Variants in CGAS observed in about 807,000 individuals in gnomAD.
CGAS encodes the protein 2'3'-cGAMP synthase.
CGAS carries 31 observed loss-of-function variants against 34.0 expected under a neutral mutation model. The ratio of observed to expected loss-of-function variants is 0.91; its 90% CI spans 0.69 to 1.23. The LOEUF is 1.23. CGAS is among the 50% of genes most tolerant of loss of function. CGAS has a pLI of 0.00. For synonymous variants in CGAS, 266 were observed against 260.0 expected (o/e 1.02, Z -0.22); for missense variants, 597 against 657.6 (o/e 0.91, Z 1.01).
At chr6:73,445,926 G>A (rs1446415968) in intron 1 of CGAS, among the ~76,000 whole-genome samples, 179 bp from the exon 2 acceptor site, 1 of 152,140 alleles carries the variant, frequency 6.6e-6, no homozygotes. Context: ...AGTATTACCA[G>A]TTTCATTTTG....
rs866696488 is a variant in CGAS, at chr6:73,451,943, C to A, written c.239G>T (p.Arg80Leu). The change falls in exon 1 of 5, where the codon CGC becomes CTC. Residue 80 changes from arginine (R) to leucine (L), a missense_variant. Physicochemically the swap from Arg to Leu is moderately radical, Grantham distance 102. Around this residue, in one of 3 missense-constraint regions of CGAS, gnomAD observed 321 missense variants for 314.3 expected, o/e 1.02. Coordinates refer to ENST00000370315, the MANE Select transcript of CGAS (RefSeq NM_138441.3). ...GGCGCGCTGAGGGGCCTTTTTGGCG[C>A]GGGCCCCAGTTGCGCGGACGGGCGG... The part of the protein sequence containing the change: ...ERPPVRATGA[R>L]AKKAPQRAQD... 13 of 1,496,988 alleles carry A rather than the reference C, an allele frequency of 8.7e-6. No individual in the cohort carries two copies. Among genetic ancestry groups the A allele is most frequent in the Non-Finnish European group, 9.8e-6 (11 of 1,120,642 alleles). 92.7% of individuals were successfully genotyped at this position (1,496,988 alleles called of 1,614,324 possible). A position where few individuals can be genotyped will look rare whatever the true frequency, so the allele number is the denominator to read the frequency against.
rs770677150 is a variant in CGAS at position 73,451,745 on chromosome 6, A to C, written c.437T>G (p.Leu146Arg). The C allele has an allele frequency of 1.9e-6, 3 of 1,611,276 alleles. No homozygotes were observed. In the South Asian group the frequency reaches 3.3e-5, roughly 18 times the overall value. Residue 146 changes from leucine to arginine, a missense_variant, in exon 1 of 5, where the codon CTG (leucine) becomes CGG (arginine). Leu to Arg is a moderately radical substitution (Grantham distance 102, BLOSUM62 -2). This residue lies in a region of CGAS where 321 missense variants were observed against 314.3 expected (regional missense o/e 1.02). Coordinates refer to ENST00000370315, the MANE Select transcript of CGAS (RefSeq NM_138441.3). Reference sequence around the variant, plus strand: ...TACGAGAATGGGGGCCGAGACCGGCAGGCCGGGGCTGGGCACGTCCCAGGG... The same window carrying C: ...TACGAGAATGGGGGCCGAGACCGGCCGGCCGGGGCTGGGCACGTCCCAGGG... ...PGPWDVPSPG[L>R]PVSAPILVRR... is the part of the protein sequence containing the mutation.
rs754409437 is a variant in CGAS, at chr6:73,445,537, C to T, written c.868G>A (p.Asp290Asn). ...FRKIIKEEIN[D>N]IKDTDVIMKR... Reference sequence around the variant, plus strand: ...AAGGCAAAAGTCTTACCTTTAATGTCGTTAATTTCTTCCTTAATGATTTTC... The same window carrying T: ...AAGGCAAAAGTCTTACCTTTAATGTTGTTAATTTCTTCCTTAATGATTTTC... Residue 290 changes from aspartate to asparagine, a missense_variant, in exon 2 of 5, where the codon GAC (aspartate) becomes AAC (asparagine). Physicochemically the swap from Asp to Asn is conservative, Grantham distance 23. Transcript: ENST00000370315. 3.1e-6 allele frequency: 5 copies of T among 1,599,522 alleles called. No homozygotes were observed. The highest frequency in any genetic ancestry group is 2.3e-5 in the South Asian group (2 of 88,110).
chr6:73,443,255 T>TG (rs1554238713), intron 2 of CGAS, among the ~76,000 whole-genome samples: 1 of 149,226 alleles, frequency 6.7e-6, no homozygotes, highest in Non-Finnish European at 1.5e-5. Flanking sequence ...TTTTTTTTTT[T>TG]CTGAGACAGG....
Position 73,425,106 on chromosome 6 carries a change from G to A in CGAS, c.*121C>T, listed in dbSNP as rs1161386422. On this transcript the variant is annotated 3_prime_UTR_variant, in exon 5 of 5. Coordinates refer to ENST00000370315, the MANE Select transcript of CGAS (RefSeq NM_138441.3). ...TGACCTCAAGTGATCCGCCTGCCTCGGCCTCCAAAGAGCTGGGATTACAGG... is the reference window on the plus strand; with the variant it reads ...TGACCTCAAGTGATCCGCCTGCCTCAGCCTCCAAAGAGCTGGGATTACAGG... The A allele has an allele frequency of 2.7e-5, 18 of 666,982 alleles. No individual in the cohort carries two copies. The highest frequency in any genetic ancestry group is 1.2e-4 in the East Asian group (4 of 33,560). The allele number at this position is 666,982 out of a possible 1,614,324, so 41.3% of individuals were successfully genotyped here. A position where few individuals can be genotyped will look rare whatever the true frequency, so the allele number is the denominator to read the frequency against.
At chr6:73,427,278 C>CTTTATTTATTTA (rs10628387) in intron 4 of CGAS, among the ~76,000 whole-genome samples, 1,549 of 143,582 alleles carry the variant, frequency 0.011, 11 homozygotes, top group Admixed American at 0.018. Flanking sequence ...GGCCAACTTA[C>CTTTATTTATTTA]TTTATTTATT....
chr6:73,446,645 G>A lies in CGAS; in HGVS notation c.658-898C>T, dbSNP rs369773859. On this transcript the variant is annotated intron_variant, in intron 1 of 4. Coordinates refer to ENST00000370315, the MANE Select transcript of CGAS (RefSeq NM_138441.3). ...CGGGAGGCTGAGGCAGGAGAATGGC[G>A]TGAACCCGGGAAGCGGAGCTTGCAG... Among the ~76,000 whole-genome samples the A allele has an allele frequency of 9.2e-3, 248 of 26,862 alleles. No individual in the cohort carries two copies. The East Asian group carries it at 0.095, about 10-fold the overall frequency. The allele number at this position is 26,862 out of a possible 152,430, so 17.6% of individuals were successfully genotyped here. A position where few individuals can be genotyped will look rare whatever the true frequency, so the allele number is the denominator to read the frequency against.
intron 3 of CGAS, among the ~76,000 whole-genome samples, chr6:73,435,872 A>G (rs1238650626): frequency 6.6e-6 from 1 of 151,864 alleles, no homozygotes; most frequent in Non-Finnish European, 1.5e-5. Context: ...ATTATCTAAT[A>G]TTTATGTTCA....
Position 73,423,956 on chromosome 6 carries a change from A to G in CGAS, c.*1271T>C, listed in dbSNP as rs1346182265. The G allele has an allele frequency of 6.6e-6, 1 of 152,198 alleles. No individual in the cohort carries two copies. The highest frequency in any genetic ancestry group is 1.5e-5 in the Non-Finnish European group (1 of 68,034). 9.4% of individuals were successfully genotyped at this position (152,198 alleles called of 1,614,324 possible). On this transcript the variant is annotated 3_prime_UTR_variant, in exon 5 of 5. Coordinates refer to ENST00000370315, the MANE Select transcript of CGAS (RefSeq NM_138441.3). ...AAAACAATGAGAAGAAAACTAACCC[A>G]TAAGAAAATGTGCAAAATATATGAA...
chr6:73,446,832 C>T (rs955164631), intron 1 of CGAS, among the ~76,000 whole-genome samples: 1 of 151,160 alleles, frequency 6.6e-6, no homozygotes, highest in Non-Finnish European at 1.5e-5. Context: ...ACGAGGCAGG[C>T]GAATCACAAG....
At chr6:73,432,408 G>A (rs985255373) in intron 3 of CGAS, among the ~76,000 whole-genome samples, 3 of 151,688 alleles carry the variant, frequency 2.0e-5, no homozygotes, top group South Asian at 4.2e-4. Context: ...TGACCCACCC[G>A]CCTTGGCCTC....
intron 2 of CGAS, among the ~76,000 whole-genome samples, chr6:73,442,875 G>A (rs1273548741): frequency 6.6e-6 from 1 of 151,868 alleles, no homozygotes; most frequent in Admixed American, 6.6e-5. Flanking sequence ...GGGATTACAG[G>A]CATGAGCCAC....
chr6:73,425,265 C>A lies in CGAS; in HGVS notation c.1531G>T (p.Glu511Ter). 1 of 1,594,394 alleles carries A rather than the reference C, an allele frequency of 6.3e-7. No individual in the cohort carries two copies. Among genetic ancestry groups the A allele is most frequent in the Non-Finnish European group, 8.5e-7 (1 of 1,172,470 alleles). Residue 511 changes from glutamate (E) to a stop codon, truncating the protein, a stop_gained, in exon 5 of 5, where the codon GAA (glutamate) becomes TAA (stop). Coordinates refer to ENST00000370315, the MANE Select transcript of CGAS (RefSeq NM_138441.3). LOFTEE classifies it high-confidence loss of function. ...KEFLTKQIEYERNNEFPVFDE... is the reference protein window; with the variant it reads ...KEFLTKQIEY Reference sequence around the variant, plus strand: ...AAAACTGGAAACTCATTGTTTCTTTCATATTCAATTTGCTTTGTCAGAAAT... The same window carrying A: ...AAAACTGGAAACTCATTGTTTCTTTAATATTCAATTTGCTTTGTCAGAAAT...
At chr6:73,438,445 C>T (rs1028946403) in intron 3 of CGAS, among the ~76,000 whole-genome samples, 3 of 152,128 alleles carry the variant, frequency 2.0e-5, no homozygotes, top group African/African-American at 4.8e-5. Flanking sequence ...CGCCTGTAAT[C>T]CCAGCACTTT....
At chr6:73,427,318 A>ATTTATTTATTT (rs5877365) in intron 4 of CGAS, among the ~76,000 whole-genome samples, 1 of 137,482 alleles carries the variant, frequency 7.3e-6, no homozygotes, top group Admixed American at 7.2e-5. Flanking sequence ...TTATTTATTT[A>ATTTATTTATTT]AGATGGAGTC....
intron 3 of CGAS, among the ~76,000 whole-genome samples, chr6:73,429,630 T>G (rs578147): frequency 2.7e-4 from 41 of 151,588 alleles, no homozygotes; most frequent in Admixed American, 5.9e-4. Context: ...ATCAAGACCA[T>G]CCTGGCTAAC....
At chr6:73,426,338 T>C (rs1770086777) in intron 4 of CGAS, among the ~76,000 whole-genome samples, 1 of 133,880 alleles carries the variant, frequency 7.5e-6, no homozygotes, top group East Asian at 2.1e-4. Context: ...ATAAATGAAA[T>C]GAAATGAAAT....
chr6:73,431,223 C>A (rs1182398566), intron 3 of CGAS, among the ~76,000 whole-genome samples: 1 of 152,162 alleles, frequency 6.6e-6, no homozygotes, highest in Non-Finnish European at 1.5e-5. Context: ...GTAATCCCAG[C>A]ACTTTGGGAG....
chr6:73,440,929 A>G (rs1229833074), intron 2 of CGAS, among the ~76,000 whole-genome samples: 2 of 151,864 alleles, frequency 1.3e-5, no homozygotes, highest in Admixed American at 6.6e-5. Context: ...AAAAAACAAA[A>G]AACACAATAA....
Sources: allele counts gnomAD v4.1 joint callset (sites outside exome capture counted in the v4.1 genomes callset), GRCh38; gene constraint gnomAD v4.1.1; regional missense constraint gnomAD v4.1.1; transcripts MANE v1.5; gene names NCBI Gene and HGNC (gene_info 2026-07-23, HGNC 2026-07-21).